COG5: variants seen among roughly 807,000 people sequenced by gnomAD.
The protein encoded by COG5 is conserved oligomeric Golgi complex subunit 5.
A neutral mutation model predicts 110.4 loss-of-function variants in COG5; 86 were observed. That is an observed-to-expected ratio of 0.78 (90% CI 0.65 to 0.93). The LOEUF is 0.93. COG5 is among the 40% of genes least tolerant of loss of function. The probability of loss-of-function intolerance (pLI) is 0.00; values close to 1 mark genes in which losing one functional copy is unlikely to be tolerated. For missense variants in COG5, 1,077 were observed against 987.0 expected (o/e 1.09, Z -1.22); for synonymous variants, 360 against 334.6 (o/e 1.08, Z -0.83).
At chr7:107,277,733 GC>G (rs1231617166) in intron 14 of COG5, among the ~76,000 whole-genome samples, 4 of 152,004 alleles carry the variant, frequency 2.6e-5, no homozygotes, top group Admixed American at 6.6e-5. Context: ...TATTTTTGTG[GC>G]CCAACCTCAC....
intron 7 of COG5, among the ~76,000 whole-genome samples, chr7:107,402,670 G>A (rs1436624694): frequency 6.6e-6 from 1 of 152,208 alleles, no homozygotes; most frequent in Non-Finnish European, 1.5e-5. Context: ...GTGAAAGATT[G>A]TATGGTGAGT....
At chr7:107,389,303 C>T (rs1005495833) in intron 7 of COG5, among the ~76,000 whole-genome samples, 1 of 150,116 alleles carries the variant, frequency 6.7e-6, no homozygotes, top group African/African-American at 2.5e-5. Context: ...GATAGATTTA[C>T]CCCCAGTGGG....
chr7:107,489,137 C>T (rs1236612705), intron 6 of COG5, among the ~76,000 whole-genome samples: 1 of 152,114 alleles, frequency 6.6e-6, no homozygotes, highest in Non-Finnish European at 1.5e-5. Context: ...TTTTTTCATA[C>T]TTCACTAAAA....
intron 12 of COG5, among the ~76,000 whole-genome samples, chr7:107,295,048 C>CAG (rs1310023690): frequency 1.7e-4 from 9 of 53,596 alleles, no homozygotes; most frequent in African/African-American, 1.3e-3. Flanking sequence ...TACACACACA[C>CAG]ACACACACAC....
chr7:107,331,075 AG>A (rs1345559911), intron 10 of COG5, among the ~76,000 whole-genome samples: 6 of 152,206 alleles, frequency 3.9e-5, no homozygotes, highest in Non-Finnish European at 8.8e-5. Flanking sequence ...AAGAATGGAA[AG>A]TAAGACAAGG....
At chr7:107,350,453 AT>A (rs1812036573) in intron 10 of COG5, among the ~76,000 whole-genome samples, 1 of 152,074 alleles carries the variant, frequency 6.6e-6, no homozygotes, top group Non-Finnish European at 1.5e-5. Flanking sequence ...TTTATTCCAT[AT>A]TTTAAAGTAT....
chr7:107,243,804 A>G (rs1266849678), intron 17 of COG5, among the ~76,000 whole-genome samples: 1 of 152,230 alleles, frequency 6.6e-6, no homozygotes, highest in East Asian at 1.9e-4. Context: ...AAGAACATCA[A>G]TCATACCAAA....
At chr7:107,486,486 G>A (rs1171721389) in intron 6 of COG5, among the ~76,000 whole-genome samples, 1 of 151,786 alleles carries the variant, frequency 6.6e-6, no homozygotes, top group Non-Finnish European at 1.5e-5. Flanking sequence ...GAATTAAGAT[G>A]CCTTACAAAT....
At chr7:107,519,475 C>G (rs867627229) in intron 6 of COG5, among the ~76,000 whole-genome samples, 3 of 151,310 alleles carry the variant, frequency 2.0e-5, no homozygotes, top group African/African-American at 7.3e-5. Context: ...ACCACTGACC[C>G]CAAAGAAATA....
intron 12 of COG5, among the ~76,000 whole-genome samples, chr7:107,290,356 C>T (rs1010311048): frequency 1.3e-4 from 20 of 152,172 alleles, no homozygotes; most frequent in Non-Finnish European, 2.2e-4. Context: ...TCTTCCCAGG[C>T]ACATCCTTAA....
chr7:107,283,307 C>G (rs1316770255), intron 13 of COG5, among the ~76,000 whole-genome samples: 1 of 152,044 alleles, frequency 6.6e-6, no homozygotes, highest in Non-Finnish European at 1.5e-5. Context: ...ATACAAAGAG[C>G]TAGGTTTACT....
chr7:107,393,411 G>A (rs114418584), intron 7 of COG5, among the ~76,000 whole-genome samples: 1,713 of 152,184 alleles, frequency 0.011, 30 homozygotes, highest in African/African-American at 0.04. Context: ...CTTTCTCCCC[G>A]TGATCAATAA....
chr7:107,559,328 G>A (rs1803591694), intron 1 of COG5, among the ~76,000 whole-genome samples: 1 of 152,042 alleles, frequency 6.6e-6, no homozygotes, highest in African/African-American at 2.4e-5. Context: ...TACCCAGAAG[G>A]GAGCTCATGG....
intron 6 of COG5, among the ~76,000 whole-genome samples, chr7:107,513,415 T>C (rs1799686299): frequency 1.3e-5 from 2 of 152,160 alleles, no homozygotes; most frequent in South Asian, 4.1e-4. Context: ...CTGGAGAGGA[T>C]GTGGAGAAAT....
chr7:107,285,835 A>C (rs1290025356), intron 12 of COG5, among the ~76,000 whole-genome samples: 1 of 151,182 alleles, frequency 6.6e-6, no homozygotes, highest in East Asian at 1.9e-4. Flanking sequence ...ACTGCACTCC[A>C]GCCTGGGCGA....
At chr7:107,238,953 G>C (rs1801412557) in intron 17 of COG5, among the ~76,000 whole-genome samples, 1 of 152,082 alleles carries the variant, frequency 6.6e-6, no homozygotes, top group African/African-American at 2.4e-5. Flanking sequence ...CACTCCACTT[G>C]TTTTCTTTGC....
intron 5 of COG5, among the ~76,000 whole-genome samples, chr7:107,530,659 T>C (rs1801143207): frequency 6.7e-6 from 1 of 148,854 alleles, no homozygotes; most frequent in Admixed American, 6.7e-5. Flanking sequence ...CCCTTTTTAG[T>C]AAACTTTAAT....
chr7:107,501,128 A>C (rs1798604997), intron 6 of COG5, among the ~76,000 whole-genome samples: 1 of 152,134 alleles, frequency 6.6e-6, no homozygotes, highest in Non-Finnish European at 1.5e-5. Context: ...ATTCATCAAG[A>C]AGAAAGCTAG....
At chr7:107,250,044 C>T (rs1199262398) in intron 16 of COG5, among the ~76,000 whole-genome samples, 1 of 151,894 alleles carries the variant, frequency 6.6e-6, no homozygotes, top group Non-Finnish European at 1.5e-5. Flanking sequence ...CTAAAGGTAC[C>T]AGGAAACCAA....
Sources: allele counts gnomAD v4.1 joint callset (sites outside exome capture counted in the v4.1 genomes callset), GRCh38; gene constraint gnomAD v4.1.1; transcripts MANE v1.5; gene names NCBI Gene and HGNC (gene_info 2026-07-23, HGNC 2026-07-21).